The following CDH18 variants were observed in gnomAD, a reference collection of about 807,000 sequenced individuals.
CDH18 encodes cadherin 18.
CDH18 carries 31 observed loss-of-function variants against 67.9 expected under a neutral mutation model. The observed-to-expected ratio is 0.46, with a 90% confidence interval of 0.34 to 0.62. The LOEUF (loss-of-function observed/expected upper bound fraction) is 0.62. CDH18 is among the 20% of genes least tolerant of loss of function. The pLI is 0.01. For synonymous variants in CDH18, 362 were observed against 347.2 expected, an observed-to-expected ratio of 1.04 and a Z score of -0.48; for missense variants, 890 against 975.5, an observed-to-expected ratio of 0.91 and a Z score of 1.17.
intron 11 of CDH18, among the ~76,000 whole-genome samples, chr5:19,484,266 T>G (rs1296332726): frequency 6.6e-6 from 1 of 152,166 alleles, no homozygotes; most frequent in Non-Finnish European, 1.5e-5. Context: ...TGAAAATAAT[T>G]TTTGTTATAA....
chr5:19,773,434 C>T (rs1219562107), intron 3 of CDH18, among the ~76,000 whole-genome samples: 1 of 152,088 alleles, frequency 6.6e-6, no homozygotes, highest in Non-Finnish European at 1.5e-5. Context: ...TGTAATTTGA[C>T]TTACAAGGGG....
chr5:19,695,787 A>C (rs1393141262), intron 5 of CDH18, among the ~76,000 whole-genome samples: 1 of 152,182 alleles, frequency 6.6e-6, no homozygotes, highest in Non-Finnish European at 1.5e-5. Context: ...CCAGAAGTTA[A>C]ATTTCTTTAT....
At chr5:20,536,626 A>C (rs1049228231) in intron 1 of CDH18, among the ~76,000 whole-genome samples, 1 of 152,134 alleles carries the variant, frequency 6.6e-6, no homozygotes, top group Admixed American at 6.6e-5. Flanking sequence ...GCTAAAAGTC[A>C]GTTAGCCTAT....
intron 1 of CDH18, among the ~76,000 whole-genome samples, chr5:20,511,302 T>C (rs2457032): frequency 0.49 from 73,892 of 151,852 alleles, 18,098 homozygotes; most frequent in East Asian, 0.58. Context: ...GTACTAACAA[T>C]CCATAAGTGG....
At chr5:19,944,875 GC>G (rs1795145908) in intron 2 of CDH18, among the ~76,000 whole-genome samples, 1 of 152,124 alleles carries the variant, frequency 6.6e-6, no homozygotes, top group African/African-American at 2.4e-5. Context: ...AAACGGGATT[GC>G]AGTGGCTTGT....
chr5:19,951,040 A>G (rs1213271308), intron 2 of CDH18, among the ~76,000 whole-genome samples: 2 of 152,144 alleles, frequency 1.3e-5, no homozygotes, highest in East Asian at 1.9e-4. Context: ...GTTCTCATGG[A>G]CCAAATATAT....
chr5:19,925,123 A>C (rs969328988), intron 2 of CDH18, among the ~76,000 whole-genome samples: 2 of 152,148 alleles, frequency 1.3e-5, no homozygotes, highest in Non-Finnish European at 2.9e-5. Context: ...ATGTTAAGAA[A>C]ATCATAAGGA....
intron 1 of CDH18, among the ~76,000 whole-genome samples, chr5:20,281,980 A>G (rs527465385): frequency 6.6e-6 from 1 of 152,044 alleles, no homozygotes; most frequent in Non-Finnish European, 1.5e-5. Flanking sequence ...AAGCAATTAT[A>G]AATGGGAGTT....
intron 1 of CDH18, among the ~76,000 whole-genome samples, chr5:20,285,443 T>A (rs1746626652): frequency 6.8e-6 from 1 of 147,732 alleles, no homozygotes; most frequent in Non-Finnish European, 1.5e-5. Context: ...TATAATATAA[T>A]AATAAGGCCA....
At chr5:19,884,138 TG>T (rs1280155800) in intron 2 of CDH18, among the ~76,000 whole-genome samples, 1 of 152,128 alleles carries the variant, frequency 6.6e-6, no homozygotes, top group Non-Finnish European at 1.5e-5. Flanking sequence ...TGACAGTCAA[TG>T]GGAAGTTAAA....
chr5:20,305,699 C>G (rs1736377497), intron 1 of CDH18: 1 of 416,410 alleles, frequency 2.4e-6, no homozygotes, highest in Non-Finnish European at 4.4e-6. Flanking sequence ...GGCAGCGAGG[C>G]GGCGAGACGC....
chr5:19,748,713 G>C (rs543570117), intron 3 of CDH18, among the ~76,000 whole-genome samples: 1 of 152,146 alleles, frequency 6.6e-6, no homozygotes, highest in African/African-American at 2.4e-5. Context: ...AGGTTTTAAA[G>C]TCTCTGAACT....
chr5:20,520,525 G>A (rs956505681), intron 1 of CDH18, among the ~76,000 whole-genome samples: 2 of 152,066 alleles, frequency 1.3e-5, no homozygotes, highest in Admixed American at 6.6e-5. Context: ...AGAATGGGAT[G>A]GATAGAACCT....
chr5:20,428,214 T>C lies in CDH18; in HGVS notation c.-580+147248A>G, dbSNP rs140936816. On this transcript the variant is annotated intron_variant, in intron 1 of 14. Coordinates refer to the CDH18 transcript ENST00000507958. ...TGTGCTGTTTAGTTTTCTGTTCCTG[T>C]GTTAGCTTGCTGAGAATGATGGCTT... Among the ~76,000 whole-genome samples the C allele has an allele frequency of 7.6e-3, 1,150 of 151,010 alleles. 94 individuals carry two copies. The highest frequency in any genetic ancestry group is 0.027 in the African/African-American group (1,089 of 40,370).
intron 5 of CDH18, among the ~76,000 whole-genome samples, chr5:19,633,445 C>T (rs901215329): frequency 3.9e-5 from 6 of 152,106 alleles, no homozygotes; most frequent in East Asian, 1.9e-4. Context: ...ATATTCTCAC[C>T]GATGGCATGG....
intron 2 of CDH18, among the ~76,000 whole-genome samples, chr5:20,096,531 T>C (rs1302400455): frequency 1.3e-5 from 2 of 152,100 alleles, no homozygotes; most frequent in Non-Finnish European, 2.9e-5. Context: ...TACAGATTTA[T>C]CACAATAATA....
chr5:20,458,604 C>A (rs920513659), intron 1 of CDH18, among the ~76,000 whole-genome samples: 3 of 152,018 alleles, frequency 2.0e-5, no homozygotes, highest in African/African-American at 7.2e-5. Flanking sequence ...GGCAACAGAG[C>A]GAGACTTTGT....
At chr5:19,546,828 A>G (rs1363685602) in intron 8 of CDH18, among the ~76,000 whole-genome samples, 1 of 152,208 alleles carries the variant, frequency 6.6e-6, no homozygotes, top group Non-Finnish European at 1.5e-5. Context: ...AGTAAAAAAC[A>G]CATAAAAAGA....
At chr5:19,741,215 GTATA>G (rs1324898032) in intron 4 of CDH18, among the ~76,000 whole-genome samples, 1 of 138,054 alleles carries the variant, frequency 7.2e-6, no homozygotes, top group Admixed American at 7.9e-5. Context: ...TGTCATATAT[GTATA>G]TATACATGTA....
Sources: allele counts gnomAD v4.1 joint callset (sites outside exome capture counted in the v4.1 genomes callset), GRCh38; gene constraint gnomAD v4.1.1; transcripts MANE v1.5; gene names NCBI Gene and HGNC (gene_info 2026-07-23, HGNC 2026-07-21).